The following SDK1 variants were observed in gnomAD, a reference collection of about 807,000 sequenced individuals.
SDK1 encodes the protein protein sidekick-1.
In SDK1, 157 loss-of-function variants were observed where a neutral mutation model predicts 245.5. That is an observed-to-expected ratio of 0.64 (90% CI 0.56 to 0.73). SDK1 has a LOEUF of 0.73. SDK1 is among the 30% of genes least tolerant of loss of function. The pLI, the probability that SDK1 is intolerant of heterozygous loss-of-function variation, is 0.00. For missense variants in SDK1, 3,583 were observed against 3,002.3 expected (o/e 1.19, Z -4.52); for synonymous variants, 1,647 against 1,278.5 (o/e 1.29, Z -6.15).
chr7:3,341,560 A>G (rs1225261829), intron 1 of SDK1, among the ~76,000 whole-genome samples: 1 of 152,206 alleles, frequency 6.6e-6, no homozygotes, highest in Non-Finnish European at 1.5e-5. Flanking sequence ...TGTTTATCCT[A>G]AGAAATCTAG....
At chr7:4,233,820 C>T (rs1479942169) in intron 41 of SDK1, among the ~76,000 whole-genome samples, 1 of 152,158 alleles carries the variant, frequency 6.6e-6, no homozygotes, top group Non-Finnish European at 1.5e-5. Flanking sequence ...CCCCAGGCCC[C>T]AGAGCCTCCC....
intron 14 of SDK1, among the ~76,000 whole-genome samples, chr7:4,005,387 T>TGTG (rs1785392950): frequency 7.7e-6 from 1 of 129,934 alleles, no homozygotes; most frequent in Admixed American, 8.4e-5. Flanking sequence ...TTTCTTTTCT[T>TGTG]ATGTGAGTGT....
intron 1 of SDK1, among the ~76,000 whole-genome samples, chr7:3,565,141 T>C (rs1455533574): frequency 2.0e-5 from 3 of 151,704 alleles, no homozygotes; most frequent in African/African-American, 7.3e-5. Flanking sequence ...AGGGGATAAC[T>C]AGACACTGGA....
intron 1 of SDK1, among the ~76,000 whole-genome samples, chr7:3,305,121 A>G (rs1019396176): frequency 1.3e-5 from 2 of 151,960 alleles, no homozygotes; most frequent in African/African-American, 4.8e-5. Context: ...ATGATTTGAA[A>G]CTCAACAGAG....
chr7:3,961,371 G>A (rs1057085540), intron 8 of SDK1, among the ~76,000 whole-genome samples: 15 of 152,182 alleles, frequency 9.9e-5, no homozygotes, highest in African/African-American at 3.6e-4. Context: ...ATTATCTTGA[G>A]TTATTCCATG....
rs1269685656 is a variant in SDK1, at chr7:4,161,869, G to A, written c.4800+13G>A. ...GATACAGTGGCAGGTAAGAGCGCGGGGAATCACGCGCGTTTTGTCAAATGT... is the reference window on the plus strand; with the variant it reads ...GATACAGTGGCAGGTAAGAGCGCGGAGAATCACGCGCGTTTTGTCAAATGT... On this transcript the variant is annotated intron_variant, in intron 32 of 44. Transcript: ENST00000404826. 7 of 1,611,462 alleles carry A rather than the reference G, an allele frequency of 4.3e-6. No homozygotes were observed. The highest frequency in any genetic ancestry group is 5.9e-6 in the Non-Finnish European group (7 of 1,177,750).
chr7:3,708,009 A>G (rs1209833051), intron 4 of SDK1, among the ~76,000 whole-genome samples: 1 of 152,054 alleles, frequency 6.6e-6, no homozygotes, highest in African/African-American at 2.4e-5. Flanking sequence ...TTTTTTTTAA[A>G]AAGAGGTTTA....
At chr7:3,849,916 T>C (rs1051157890) in intron 5 of SDK1, among the ~76,000 whole-genome samples, 1 of 152,212 alleles carries the variant, frequency 6.6e-6, no homozygotes, top group Admixed American at 6.5e-5. Context: ...CAATAAAATA[T>C]TAGCTTGGCT....
intron 14 of SDK1, among the ~76,000 whole-genome samples, chr7:4,001,000 C>T (rs1352763249): frequency 6.6e-6 from 1 of 152,168 alleles, no homozygotes; most frequent in Non-Finnish European, 1.5e-5. Flanking sequence ...CCTGCCCTCA[C>T]CAAGACGAGA....
chr7:3,869,259 G>A (rs990419310), intron 5 of SDK1, among the ~76,000 whole-genome samples: 28 of 150,756 alleles, frequency 1.9e-4, no homozygotes, highest in East Asian at 1.4e-3. Flanking sequence ...GGGTTCAAGC[G>A]ATTCTCCTGC....
chr7:3,404,683 C>T (rs889449297), intron 1 of SDK1, among the ~76,000 whole-genome samples: 1 of 152,188 alleles, frequency 6.6e-6, no homozygotes, highest in African/African-American at 2.4e-5. Flanking sequence ...AAGTCAATTA[C>T]TTCAGAGCTT....
At chr7:3,762,363 G>C (rs887767815) in intron 4 of SDK1, among the ~76,000 whole-genome samples, 70 of 152,320 alleles carry the variant, frequency 4.6e-4, no homozygotes, top group African/African-American at 1.7e-3. Context: ...GCAGGATGAA[G>C]GGCGGCTCTG....
intron 5 of SDK1, among the ~76,000 whole-genome samples, chr7:3,904,726 G>A (rs10249255): frequency 0.22 from 32,645 of 151,722 alleles, 3,735 homozygotes; most frequent in Middle Eastern, 0.31. Context: ...GGGCACGGTG[G>A]CTCACGCCTG....
At chr7:3,684,786 G>C (rs1017984433) in intron 4 of SDK1, among the ~76,000 whole-genome samples, 2 of 151,704 alleles carry the variant, frequency 1.3e-5, no homozygotes, top group Admixed American at 1.3e-4. Context: ...GAAAATCTTA[G>C]CACAGAAATA....
chr7:3,968,386 G>A (rs1400463735), intron 10 of SDK1, among the ~76,000 whole-genome samples: 1 of 152,142 alleles, frequency 6.6e-6, no homozygotes. Flanking sequence ...CATACTTGCT[G>A]GGCTGTATCG....
rs776425840 is a variant in SDK1 at position 4,265,280 on chromosome 7, G to C, written c.6538G>C (p.Ala2180Pro). Residue 2180 changes from alanine (A) to proline (P), a missense_variant, in exon 45 of 45, where the codon GCG becomes CCG. Physicochemically the swap from Ala to Pro is conservative, Grantham distance 27. Transcript: ENST00000404826. ...YEAVAGSEAG[A>P]QLHPVITTQS... ...GGCGGTGGCGGGCTCCGAGGCGGGCGCGCAGCTGCACCCGGTCATCACCAC... is the reference window on the plus strand; with the variant it reads ...GGCGGTGGCGGGCTCCGAGGCGGGCCCGCAGCTGCACCCGGTCATCACCAC... 1 of 1,588,472 alleles carries C rather than the reference G, an allele frequency of 6.3e-7. No homozygotes were observed. The highest frequency in any genetic ancestry group is 1.3e-5 in the African/African-American group (1 of 74,626).
At chr7:4,110,328 T>A (rs76399733) in intron 22 of SDK1, among the ~76,000 whole-genome samples, 5,585 of 152,218 alleles carry the variant, frequency 0.037, 251 homozygotes, top group African/African-American at 0.1. Flanking sequence ...GGAGGAAGGA[T>A]GAGATGGTAT....
intron 1 of SDK1, among the ~76,000 whole-genome samples, chr7:3,595,161 T>C (rs1781011824): frequency 6.6e-6 from 1 of 152,110 alleles, no homozygotes; most frequent in Admixed American, 6.5e-5. Context: ...GCCTGAATAA[T>C]GTGAGCTTTT....
At chr7:3,467,947 A>G (rs913008845) in intron 1 of SDK1, among the ~76,000 whole-genome samples, 1 of 150,736 alleles carries the variant, frequency 6.6e-6, no homozygotes, top group Non-Finnish European at 1.5e-5. Context: ...TCTAATTATC[A>G]TATATAGGTG....
Sources: gnomAD v4.1 joint callset for allele counts (sites outside exome capture counted in the v4.1 genomes callset) on GRCh38, gnomAD v4.1.1 for gene constraint, MANE v1.5 for transcripts, NCBI Gene and HGNC (gene_info 2026-07-23, HGNC 2026-07-21) for gene names.